Variants in FAM83G observed in about 807,000 individuals in gnomAD.
FAM83G encodes scaffolding CK1 anchoring protein G.
A neutral mutation model predicts 61.5 loss-of-function variants in FAM83G; 38 were observed. The ratio of observed to expected loss-of-function variants is 0.62; its 90% CI spans 0.48 to 0.81. The LOEUF (loss-of-function observed/expected upper bound fraction) is 0.81, where lower values mean the gene tolerates loss of function less well. FAM83G is among the 30% of genes least tolerant of loss of function. The probability of loss-of-function intolerance (pLI) is 0.00; values close to 1 mark genes in which losing one functional copy is unlikely to be tolerated. For missense variants in FAM83G, 989 were observed against 1,133.6 expected, an observed-to-expected ratio of 0.87 and a Z score of 1.83; for synonymous variants, 470 against 476.1, an observed-to-expected ratio of 0.99 and a Z score of 0.17.
chr17:18,977,847 G>GGGGGCC lies in FAM83G; in HGVS notation c.1813_1818dup (p.Gly605_Pro606dup), dbSNP rs1056183148. The stretch of plus-strand genomic sequence containing the variant: ...ACAGAGGAAGCCACTGAGGGCCGTC[G>GGGGGCC]GGGGCCAGGGCCACGGCCGGAGCTG... On this transcript the variant is annotated inframe_insertion, in exon 5 of 6. Coordinates refer to ENST00000388995, the MANE Select transcript of FAM83G (RefSeq NM_001039999.3). 2 of 1,610,434 alleles carry GGGGGCC rather than the reference G, an allele frequency of 1.2e-6. No homozygotes were observed. The highest frequency in any genetic ancestry group is 2.7e-5 in the African/African-American group (2 of 74,898).
chr17:19,001,203 C>T (rs1254987620), intron 2 of FAM83G, among the ~76,000 whole-genome samples: 2 of 152,254 alleles, frequency 1.3e-5, no homozygotes, highest in South Asian at 4.1e-4. Context: ...CCACACAAGC[C>T]TGGGCCACAG....
In FAM83G at chr17:18,969,025, C is replaced by G. The variant is rs749769587; in HGVS notation, c.*2334G>C. The G allele has an allele frequency of 1.3e-6, 2 of 1,599,716 alleles. No individual in the cohort carries two copies. Among genetic ancestry groups the G allele is most frequent in the Non-Finnish European group, 1.7e-6 (2 of 1,173,172 alleles). ...TTGCTGGAGCCCTGGGAATAACAGTCCCACACAAGGCTCTCTCCCTCCGCA... is the reference window on the plus strand; with the variant it reads ...TTGCTGGAGCCCTGGGAATAACAGTGCCACACAAGGCTCTCTCCCTCCGCA... On this transcript the variant is annotated 3_prime_UTR_variant, in exon 6 of 6. Transcript: ENST00000388995.
At chr17:19,005,114 C>T (rs2043847406), upstream of FAM83G, among the ~76,000 whole-genome samples, 1 of 152,132 alleles carries the variant, frequency 6.6e-6, no homozygotes, top group African/African-American at 2.4e-5. Flanking sequence ...GAAGTCCGTG[C>T]GGCTGTATAG....
chr17:18,976,577 G>A (rs2152007152), intron 5 of FAM83G: 1 of 423,478 alleles, frequency 2.4e-6, no homozygotes, highest in South Asian at 4.4e-5. Flanking sequence ...CAGGGGTGGT[G>A]GGCTGGGCAG....
chr17:18,973,976 T>G (rs918859272), intron 5 of FAM83G, among the ~76,000 whole-genome samples: 5 of 139,070 alleles, frequency 3.6e-5, no homozygotes, highest in African/African-American at 1.3e-4. Context: ...CACTGCAACC[T>G]CCGCCTCCTG....
In FAM83G at chr17:19,003,451, T is replaced by G; in HGVS notation, c.522+69A>C. 7.6e-6 allele frequency: 11 copies of G among 1,453,024 alleles called. No homozygotes were observed. The highest frequency in any genetic ancestry group is 1.0e-5 in the Non-Finnish European group (11 of 1,098,112). The allele number at this position is 1,453,024 out of a possible 1,614,324, so 90.0% of individuals were successfully genotyped here. On this transcript the variant is annotated intron_variant, in intron 2 of 5. Transcript: ENST00000388995. The surrounding 1 kb of genome is among the most constrained non-coding windows in gnomAD (Gnocchi z 4.5). Reference sequence around the variant, plus strand: ...TTGGGCTCCCGTTTTGGGCTCTGAGTGAGCCTGTATTGAGAGGGGTCCGGT... The same window carrying G: ...TTGGGCTCCCGTTTTGGGCTCTGAGGGAGCCTGTATTGAGAGGGGTCCGGT...
intron 3 of FAM83G, among the ~76,000 whole-genome samples, chr17:18,984,034 T>TC (rs1304139925): frequency 1.3e-5 from 2 of 151,738 alleles, no homozygotes; most frequent in Admixed American, 6.6e-5. Flanking sequence ...GCAGAGTGAA[T>TC]CCCCCCCGTT....
At chr17:18,986,636 T>G (rs531241821) in intron 3 of FAM83G, among the ~76,000 whole-genome samples, 63 of 152,322 alleles carry the variant, frequency 4.1e-4, no homozygotes, top group African/African-American at 1.5e-3. Context: ...AGCCAGGGCT[T>G]CTCTGCTGAG....
chr17:19,000,117 G>A lies in FAM83G; in HGVS notation c.522+3403C>T, dbSNP rs929946703. On this transcript the variant is annotated intron_variant, in intron 2 of 5. Coordinates refer to ENST00000388995, the MANE Select transcript of FAM83G (RefSeq NM_001039999.3). This position sits in a 1 kb window ranked among gnomAD's most constrained non-coding sequence, Gnocchi z 5.2. ...TTACAAGCCCGTCCTCTGGTATGTA[G>A]TTGGAACCCCACAGCAGGTTTTTTC... Among the ~76,000 whole-genome samples the A allele has an allele frequency of 5.3e-5, 8 of 152,240 alleles. No individual in the cohort carries two copies. The highest frequency in any genetic ancestry group is 1.9e-4 in the African/African-American group (8 of 41,456).
Position 18,969,774 on chromosome 17 carries a change from A to G in FAM83G, c.*1585T>C. The G allele has an allele frequency of 3.8e-6, 1 of 261,830 alleles. No individual in the cohort carries two copies. Among genetic ancestry groups the G allele is most frequent in the Non-Finnish European group, 7.2e-6 (1 of 137,972 alleles). 16.2% of individuals were successfully genotyped at this position (261,830 alleles called of 1,614,324 possible). On this transcript the variant is annotated 3_prime_UTR_variant, in exon 6 of 6. Transcript: ENST00000388995. ...AAGGCACACAACCAGGAGGCCATAA[A>G]ACTGCCTGGGCAGCTCCTCCAATTG... is the stretch of plus-strand genomic sequence containing the variant.
chr17:18,989,389 C>T (rs1470585062), intron 2 of FAM83G, among the ~76,000 whole-genome samples: 1 of 152,224 alleles, frequency 6.6e-6, no homozygotes, highest in Admixed American at 6.5e-5. Flanking sequence ...CTGCACGCCC[C>T]AAAGTGAGCT....
intron 2 of FAM83G, among the ~76,000 whole-genome samples, chr17:18,993,208 C>A (rs952153636): frequency 6.6e-6 from 1 of 152,172 alleles, no homozygotes; most frequent in Non-Finnish European, 1.5e-5. Flanking sequence ...CTCTCCCCGA[C>A]GCGTCCTGCC....
chr17:18,973,160 A>ACCCTGCCAGGCTGAGC (rs1416207850), intron 5 of FAM83G, among the ~76,000 whole-genome samples: 1 of 152,160 alleles, frequency 6.6e-6, no homozygotes, highest in Admixed American at 6.5e-5. Context: ...GGCAAGTGGT[A>ACCCTGCCAGGCTGAGC]CCCTGCCAGG....
intron 2 of FAM83G, among the ~76,000 whole-genome samples, chr17:18,998,989 C>T (rs191903204): frequency 2.5e-4 from 38 of 152,336 alleles, no homozygotes; most frequent in African/African-American, 4.8e-5. Context: ...CTCATGAAAA[C>T]GCTTTTACTG....
Position 18,968,809 on chromosome 17 carries a change from A to C in FAM83G, c.*2550T>G. 1.9e-6 allele frequency: 1 copy of C among 523,542 alleles called. No homozygotes were observed. Among genetic ancestry groups the C allele is most frequent in the Non-Finnish European group, 3.4e-6 (1 of 295,720 alleles). The allele number at this position is 523,542 out of a possible 1,614,324, so 32.4% of individuals were successfully genotyped here. A position where few individuals can be genotyped will look rare whatever the true frequency, so the allele number is the denominator to read the frequency against. On this transcript the variant is annotated 3_prime_UTR_variant, in exon 6 of 6. Coordinates refer to ENST00000388995, the MANE Select transcript of FAM83G (RefSeq NM_001039999.3). This position sits in a 1 kb window ranked among gnomAD's most constrained non-coding sequence, Gnocchi z 4.1. Reference sequence around the variant, plus strand: ...ACTGCTTTTGGGAAAGGCATTGGCCACTTTGGACTTTATTAGCAACAGTAA... The same window carrying C: ...ACTGCTTTTGGGAAAGGCATTGGCCCCTTTGGACTTTATTAGCAACAGTAA...
intron 2 of FAM83G, among the ~76,000 whole-genome samples, chr17:18,995,307 C>A (rs147749469): frequency 1.3e-5 from 2 of 151,904 alleles, no homozygotes; most frequent in Non-Finnish European, 2.9e-5. Flanking sequence ...GCCAACAAAT[C>A]GAAATTCAAG....
chr17:18,991,426 C>T (rs2043421778), intron 2 of FAM83G, among the ~76,000 whole-genome samples: 1 of 152,192 alleles, frequency 6.6e-6, no homozygotes, highest in African/African-American at 2.4e-5. Flanking sequence ...TGGCCCAAGT[C>T]AAGAAAAGTA....
In FAM83G at chr17:19,003,210, C is replaced by T. The variant is rs1476132071; in HGVS notation, c.522+310G>A. Among the ~76,000 whole-genome samples, 1 of 150,580 alleles carries T rather than the reference C, an allele frequency of 6.6e-6. No homozygotes were observed. The highest frequency in any genetic ancestry group is 1.5e-5 in the Non-Finnish European group (1 of 67,570). On this transcript the variant is annotated intron_variant, in intron 2 of 5. Coordinates refer to ENST00000388995, the MANE Select transcript of FAM83G (RefSeq NM_001039999.3). The surrounding 1 kb of genome is among the most constrained non-coding windows in gnomAD (Gnocchi z 4.5). The stretch of plus-strand genomic sequence containing the variant: ...TGAGAGGAAGCCCTGGGGTTCCTCC[C>T]CTCCCCACTCCACCCTATCTCGGTG...
At position 19,004,212 on chromosome 17, in the gene FAM83G, G is replaced by A. The variant is rs1252145353; in HGVS notation, c.-128-43C>T. ...TGAGCCCGGCTCGGCGGGGAGGGCG[G>A]GCCGCGCGGGGAGGGGCGGCGGGGG... On this transcript the variant is annotated intron_variant, in intron 1 of 5. Transcript: ENST00000388995. This position sits in a 1 kb window ranked among gnomAD's most constrained non-coding sequence, Gnocchi z 5.4. 6 of 591,376 alleles carry A rather than the reference G, an allele frequency of 1.0e-5. No homozygotes were observed. Among genetic ancestry groups the A allele is most frequent in the Non-Finnish European group, 1.7e-5 (6 of 355,038 alleles). 36.6% of individuals were successfully genotyped at this position (591,376 alleles called of 1,614,324 possible). A position where few individuals can be genotyped will look rare whatever the true frequency, so the allele number is the denominator to read the frequency against.
Sources: allele counts gnomAD v4.1 joint callset (sites outside exome capture counted in the v4.1 genomes callset), GRCh38; gene constraint gnomAD v4.1.1; non-coding constraint Gnocchi (gnomAD v3.1); transcripts MANE v1.5; gene names NCBI Gene and HGNC (gene_info 2026-07-23, HGNC 2026-07-21).